The following CUL2 variants were observed in gnomAD, a reference collection of about 807,000 sequenced individuals.
The protein encoded by CUL2 is cullin-2.
CUL2 carries 22 observed loss-of-function variants against 110.2 expected under a neutral mutation model. The observed-to-expected ratio is 0.20, with a 90% CI of 0.14 to 0.28. The LOEUF (loss-of-function observed/expected upper bound fraction) is 0.28. Ranked by LOEUF, CUL2 falls within the 10% of genes least tolerant of loss-of-function variation. The probability of loss-of-function intolerance (pLI) is 1.00; values close to 1 mark genes in which losing one functional copy is unlikely to be tolerated. For synonymous variants in CUL2, 279 were observed against 293.2 expected (o/e 0.95, Z 0.49); for missense variants, 631 against 905.5 (o/e 0.70, Z 3.89).
chr10:35,020,631 G>A (rs970310777), intron 17 of CUL2, among the ~76,000 whole-genome samples: 1 of 152,084 alleles, frequency 6.6e-6, no homozygotes, highest in African/African-American at 2.4e-5. Flanking sequence ...ATTTCTCAAC[G>A]TGTCTTTCAG....
rs189124918 is a variant in CUL2, at chr10:35,101,983, G to A, written c.-50-923C>T. 2.6e-3 allele frequency among the ~76,000 whole-genome samples: 393 copies of A among 152,256 alleles called. 10 individuals are homozygous for A. Among genetic ancestry groups the A allele is most frequent in the Admixed American group, 0.022 (339 of 15,274 alleles). ...TAAGAAACAGCCTCCCAAAATGCTG[G>A]GATTACAGGTGTGAGCCATTGCCAG... On this transcript the variant is annotated intron_variant, in intron 1 of 5. Transcript: ENST00000685421.
intron 2 of CUL2, among the ~76,000 whole-genome samples, chr10:35,096,500 C>T (rs1174591172): frequency 2.0e-5 from 3 of 152,100 alleles, no homozygotes; most frequent in Admixed American, 2.0e-4. Flanking sequence ...GTAGTCCCAG[C>T]TACTCTGGAG....
chr10:35,051,424 T>A (rs1486767764), intron 5 of CUL2, among the ~76,000 whole-genome samples: 1 of 151,344 alleles, frequency 6.6e-6, no homozygotes, highest in African/African-American at 2.4e-5. Context: ...CCATCCTGGC[T>A]AACATAGTGA....
At chr10:35,063,647 G>A (rs1207025715) in intron 2 of CUL2, among the ~76,000 whole-genome samples, 1 of 151,838 alleles carries the variant, frequency 6.6e-6, no homozygotes. Flanking sequence ...TCTCACCGGA[G>A]GTAGATAACA....
intron 8 of CUL2, 81 bp downstream of exon 8, chr10:35,044,485 C>CT: frequency 1.2e-6 from 1 of 835,076 alleles, no homozygotes; most frequent in Non-Finnish European, 1.8e-6. Context: ...AGAAACAAAA[C>CT]AAGAAAACTA....
intron 19 of CUL2, among the ~76,000 whole-genome samples, chr10:35,013,280 G>A (rs1199618924): frequency 2.7e-5 from 4 of 149,208 alleles, no homozygotes. Context: ...GGGAGGCAGA[G>A]CTTGCAGTGA....
intron 6 of CUL2, 51 bp from the exon 7 acceptor site, chr10:35,044,919 G>GA: frequency 1.4e-6 from 2 of 1,385,004 alleles, no homozygotes; most frequent in Non-Finnish European, 2.0e-6. Flanking sequence ...ATTATCTATG[G>GA]AAATATACCC....
In CUL2 at chr10:35,016,385, T is replaced by A; in HGVS notation, c.1694A>T (p.Lys565Ile). 1.2e-6 allele frequency: 2 copies of A among 1,602,292 alleles called. No homozygotes were observed. Among genetic ancestry groups the A allele is most frequent in the Non-Finnish European group, 1.7e-6 (2 of 1,172,186 alleles). ...ATATGGTTTGCCCAAATAGTTCATT[T>A]TAACTTCACCTACAATTAAAACAAA... Reference protein sequence around the residue: ...WLHYLCTGEVKMNYLGKPYVA... With the variant: ...WLHYLCTGEVIMNYLGKPYVA... The change falls in exon 18 of 21, where the codon AAA (lysine) becomes ATA (isoleucine). Residue 565 changes from lysine to isoleucine, a missense_variant. Coordinates refer to ENST00000374749, the MANE Select transcript of CUL2 (RefSeq NM_003591.4).
chr10:35,017,070 A>T (rs2085054572), intron 17 of CUL2, among the ~76,000 whole-genome samples: 1 of 152,190 alleles, frequency 6.6e-6, no homozygotes, highest in African/African-American at 2.4e-5. Context: ...GCAAAGTGAT[A>T]TCAGCAACAG....
intron 5 of CUL2, among the ~76,000 whole-genome samples, chr10:35,050,365 C>T (rs1024734122): frequency 6.6e-6 from 1 of 151,546 alleles, no homozygotes; most frequent in Non-Finnish European, 1.5e-5. Context: ...TTAAAATGCT[C>T]AACACTATAA....
rs115942064 is a variant in CUL2 at position 35,036,544 on chromosome 10, G to C, written c.878-1248C>G. ...CGGTCAGTGCCAGTTTCCCAAAGTA[G>C]TTGCATCAATTTATACTCTCACTTC... On this transcript the variant is annotated intron_variant, in intron 9 of 20. Coordinates refer to ENST00000374749, the MANE Select transcript of CUL2 (RefSeq NM_003591.4). 6.5e-3 allele frequency among the ~76,000 whole-genome samples: 993 copies of C among 152,236 alleles called. 12 individuals are homozygous for C. Among genetic ancestry groups the C allele is most frequent in the African/African-American group, 0.022 (893 of 41,524 alleles).
At chr10:35,089,934 C>G (rs762106560) in intron 1 of CUL2, 1 of 152,302 alleles carries the variant, frequency 6.6e-6, no homozygotes, top group Admixed American at 6.5e-5. Flanking sequence ...GCGGGAGAGG[C>G]GGCCAAGATC....
chr10:35,047,138 T>C (rs2085964133), intron 6 of CUL2, among the ~76,000 whole-genome samples: 1 of 152,174 alleles, frequency 6.6e-6, no homozygotes, highest in African/African-American at 2.4e-5. Flanking sequence ...CTTCATTTCC[T>C]TTAACTGACA....
intron 2 of CUL2, among the ~76,000 whole-genome samples, chr10:35,070,360 C>G (rs1214078231): frequency 6.6e-6 from 1 of 152,164 alleles, no homozygotes; most frequent in African/African-American, 2.4e-5. Flanking sequence ...CTTCTTGCAT[C>G]CACATTCAGC....
At chr10:35,037,295 G>A (rs896729672) in intron 9 of CUL2, among the ~76,000 whole-genome samples, 2 of 152,146 alleles carry the variant, frequency 1.3e-5, no homozygotes, top group Admixed American at 1.3e-4. Flanking sequence ...TTTACCTGCC[G>A]CTCTGCAGCG....
At chr10:35,033,337 G>A in intron 10 of CUL2, 64 bp from the exon 11 acceptor site, 1 of 1,098,286 alleles carries the variant, frequency 9.1e-7, no homozygotes, top group Admixed American at 1.9e-5. Context: ...AAACTATGAG[G>A]TTTATTAGAC....
chr10:35,013,581 C>T (rs1317257769), intron 19 of CUL2, 118 bp downstream of exon 19: 1 of 633,332 alleles, frequency 1.6e-6, no homozygotes, highest in Non-Finnish European at 2.7e-6. Flanking sequence ...CCAGAAAAGA[C>T]ATATCCCATT....
intron 1 of CUL2, among the ~76,000 whole-genome samples, chr10:35,074,947 T>C (rs73258776): frequency 1.5e-4 from 23 of 152,364 alleles, no homozygotes; most frequent in African/African-American, 5.3e-4. Flanking sequence ...ATTCTGTAAC[T>C]GCGTACCAAA....
At chr10:35,038,383 A>G (rs1397409267) in intron 9 of CUL2, among the ~76,000 whole-genome samples, 1 of 150,792 alleles carries the variant, frequency 6.6e-6, no homozygotes, top group Admixed American at 6.6e-5. Flanking sequence ...AAAATTAGCC[A>G]GGTGTGGTGA....
Sources: allele counts gnomAD v4.1 joint callset (sites outside exome capture counted in the v4.1 genomes callset), GRCh38; gene constraint gnomAD v4.1.1; transcripts MANE v1.5; gene names NCBI Gene and HGNC (gene_info 2026-07-23, HGNC 2026-07-21).